The following MMAA variants were observed in gnomAD, a reference collection of about 807,000 sequenced individuals.
MMAA encodes metabolism of cobalamin associated A.
Under a neutral mutation model 45.0 loss-of-function variants are expected in MMAA, and 41 were observed. The observed-to-expected ratio is 0.91, with a 90% CI of 0.71 to 1.18. MMAA has a LOEUF of 1.18. Ranked by LOEUF, MMAA falls within the 50% of genes most tolerant of loss-of-function variation. The pLI is 0.00. For synonymous variants in MMAA, 154 were observed against 178.2 expected (o/e 0.86, Z 1.08); for missense variants, 460 against 495.7 (o/e 0.93, Z 0.68).
intron 2 of MMAA, among the ~76,000 whole-genome samples, chr4:145,640,730 C>A (rs1387994768): frequency 6.6e-6 from 1 of 152,146 alleles, no homozygotes; most frequent in Non-Finnish European, 1.5e-5. Flanking sequence ...ATTTCTTGAA[C>A]AATTTGACTT....
intron 3 of MMAA, among the ~76,000 whole-genome samples, chr4:145,643,827 A>C (rs1222822704): frequency 6.6e-6 from 1 of 152,174 alleles, no homozygotes; most frequent in Non-Finnish European, 1.5e-5. Flanking sequence ...CAATAGAAAA[A>C]AATAATAGCT....
intron 1 of MMAA, chr4:145,625,357 C>A: frequency 1.4e-6 from 1 of 701,772 alleles, no homozygotes. Context: ...TTTTGGTGAG[C>A]CAGTCCTGGG....
chr4:145,636,469 A>C (rs1398124550), intron 1 of MMAA, among the ~76,000 whole-genome samples: 1 of 152,204 alleles, frequency 6.6e-6, no homozygotes, highest in Non-Finnish European at 1.5e-5. Context: ...CACTGCCCAC[A>C]AGACAAAATT....
chr4:145,645,477 G>A lies in MMAA; in HGVS notation c.563-509G>A, dbSNP rs148374850. Reference sequence around the variant, plus strand: ...AGCATATTACCCTTGTGATGTAGCTGAGGAAAGAGGATTCAGGAAGGTAAA... The same window carrying A: ...AGCATATTACCCTTGTGATGTAGCTAAGGAAAGAGGATTCAGGAAGGTAAA... On this transcript the variant is annotated intron_variant, in intron 3 of 6. Transcript: ENST00000649156. Among the ~76,000 whole-genome samples, 102 of 152,328 alleles carry A rather than the reference G, an allele frequency of 6.7e-4. 1 individual carries two copies. The highest frequency in any genetic ancestry group is 5.9e-3 in the Admixed American group (91 of 15,298).
intron 3 of MMAA, among the ~76,000 whole-genome samples, chr4:145,644,058 A>C (rs1199843085): frequency 6.6e-6 from 1 of 152,156 alleles, no homozygotes; most frequent in Non-Finnish European, 1.5e-5. Context: ...CATTACATTA[A>C]AGTTTGAGAA....
In MMAA at chr4:145,657,729, A is replaced by C. The variant is rs561863636; in HGVS notation, c.*2295A>C. 2 of 152,374 alleles carry C rather than the reference A, an allele frequency of 1.3e-5. No homozygotes were observed. The highest frequency in any genetic ancestry group is 1.5e-5 in the Non-Finnish European group (1 of 68,052). The allele number at this position is 152,374 out of a possible 1,614,324, so 9.4% of individuals were successfully genotyped here. On this transcript the variant is annotated 3_prime_UTR_variant, in exon 7 of 7. Transcript: ENST00000649156. ...GACTAATATTAATTTCAGATTGGCC[A>C]AGCTACTTAATTTCTCTGTGCCTCA...
intron 5 of MMAA, among the ~76,000 whole-genome samples, chr4:145,651,454 G>A (rs1359374511): frequency 6.6e-6 from 1 of 152,176 alleles, no homozygotes; most frequent in African/African-American, 2.4e-5. Flanking sequence ...TTAGTACGTT[G>A]ATTCAAAAGT....
intron 1 of MMAA, chr4:145,624,574 G>T: frequency 1.6e-6 from 2 of 1,221,888 alleles, no homozygotes; most frequent in Admixed American, 1.8e-5. Context: ...GAAGGAACCA[G>T]CAATTCTAGA....
intron 1 of MMAA, among the ~76,000 whole-genome samples, chr4:145,620,011 T>C (rs1373159890): frequency 2.6e-4 from 40 of 152,192 alleles, no homozygotes; most frequent in Admixed American, 2.6e-3. Flanking sequence ...ACCAAAATAA[T>C]ATAAAAATTT....
chr4:145,655,191 G>C lies in MMAA; in HGVS notation c.1014G>C (p.Met338Ile). 6.2e-7 allele frequency: 1 copy of C among 1,614,164 alleles called. No homozygotes were observed. Among genetic ancestry groups the C allele is most frequent in the East Asian group, 2.2e-5 (1 of 44,882 alleles). Reference protein sequence around the residue: ...SARSGEGISEMWDKMKDFQDL... With the variant: ...SARSGEGISEIWDKMKDFQDL... ...GAAGTGGAGAGGGGATCTCTGAAAT[G>C]TGGGATAAAATGAAAGATTTCCAGG... is the stretch of plus-strand genomic sequence containing the variant. Residue 338 changes from methionine to isoleucine, a missense_variant, in exon 7 of 7, where the codon ATG (methionine) becomes ATC (isoleucine). Met to Ile is a conservative substitution (Grantham distance 10, BLOSUM62 1). Transcript: ENST00000649156.
At chr4:145,624,801 T>C (rs1288974497) in intron 1 of MMAA, 4 of 1,606,542 alleles carry the variant, frequency 2.5e-6, no homozygotes, top group African/African-American at 2.7e-5. Context: ...GCAGGGCTCA[T>C]TGGCTCTGCA....
intron 4 of MMAA, among the ~76,000 whole-genome samples, chr4:145,646,911 A>G (rs1325700272): frequency 6.6e-6 from 1 of 152,238 alleles, no homozygotes; most frequent in East Asian, 1.9e-4. Flanking sequence ...GGCCAGGGCC[A>G]GATTGTCAGG....
intron 6 of MMAA, 46 bp downstream of exon 6, chr4:145,654,189 T>C: frequency 1.2e-6 from 2 of 1,609,376 alleles, no homozygotes; most frequent in Non-Finnish European, 1.7e-6. Flanking sequence ...ATGGATTGTG[T>C]ACATTAGAAG....
At chr4:145,627,348 A>T (rs1734225553) in intron 1 of MMAA, among the ~76,000 whole-genome samples, 2 of 152,194 alleles carry the variant, frequency 1.3e-5, no homozygotes, top group Non-Finnish European at 2.9e-5. Context: ...GGAAACTTAG[A>T]AGGCAAAATG....
rs1195139252 is a variant in MMAA at position 145,659,640 on chromosome 4, GTTCTT to G, written c.*4209_*4213del. 1 of 152,122 alleles carries G rather than the reference GTTCTT, an allele frequency of 6.6e-6. No individual in the cohort carries two copies. The highest frequency in any genetic ancestry group is 1.5e-5 in the Non-Finnish European group (1 of 68,014). The allele number at this position is 152,122 out of a possible 1,614,324, so 9.4% of individuals were successfully genotyped here. The stretch of plus-strand genomic sequence containing the variant: ...TGGCCAATCTTAAGATGTGGATAGA[GTTCTT>G]TTTTTTCTTTTTTCAATTTTTACAA... On this transcript the variant is annotated 3_prime_UTR_variant, in exon 7 of 7. Transcript: ENST00000649156.
chr4:145,633,519 T>G (rs1381759714), intron 1 of MMAA, among the ~76,000 whole-genome samples: 1 of 152,208 alleles, frequency 6.6e-6, no homozygotes, highest in Non-Finnish European at 1.5e-5. Flanking sequence ...TTCTTGAGTT[T>G]CCTCAAAACA....
At chr4:145,643,308 T>C (rs960922111) in intron 3 of MMAA, among the ~76,000 whole-genome samples, 17 of 152,324 alleles carry the variant, frequency 1.1e-4, no homozygotes, top group African/African-American at 3.1e-4. Flanking sequence ...AACTGTGTTA[T>C]ATAATGGTGA....
At position 145,658,873 on chromosome 4, in the gene MMAA, C is replaced by G. The variant is rs376064234; in HGVS notation, c.*3439C>G. 1 of 152,170 alleles carries G rather than the reference C, an allele frequency of 6.6e-6. No homozygotes were observed. The highest frequency in any genetic ancestry group is 1.5e-5 in the Non-Finnish European group (1 of 68,024). 9.4% of individuals were successfully genotyped at this position (152,170 alleles called of 1,614,324 possible). On this transcript the variant is annotated 3_prime_UTR_variant, in exon 7 of 7. Coordinates refer to ENST00000649156, the MANE Select transcript of MMAA (RefSeq NM_172250.3). ...GTGCAGATGGTGGAGCTTTTCTGCT[C>G]CTAAAGCCTGAGAAATGCAAATGTG...
intron 3 of MMAA, chr4:145,642,696 G>A: frequency 1.7e-6 from 1 of 601,860 alleles, no homozygotes; most frequent in African/African-American, 1.8e-5. Flanking sequence ...ATAGCTCAGT[G>A]GGCACTCAGA....
Sources: allele counts gnomAD v4.1 joint callset (sites outside exome capture counted in the v4.1 genomes callset), GRCh38; gene constraint gnomAD v4.1.1; transcripts MANE v1.5; gene names NCBI Gene and HGNC (gene_info 2026-07-23, HGNC 2026-07-21).